The following GRTP1 variants were observed in gnomAD, a reference collection of about 807,000 sequenced individuals.
GRTP1 encodes the protein growth hormone-regulated TBC protein 1.
GRTP1 carries 56 observed loss-of-function variants against 38.1 expected under a neutral mutation model. The observed-to-expected ratio is 1.47, with a 90% CI of 1.19 to 1.84. GRTP1 has a LOEUF of 1.84. Among genes scored for constraint, GRTP1 ranks in the 40% most tolerant of loss-of-function variants. GRTP1 has a pLI of 0.00. For missense variants in GRTP1, 506 were observed against 453.9 expected, an observed-to-expected ratio of 1.11 and a Z score of -1.04; for synonymous variants, 217 against 189.5, an observed-to-expected ratio of 1.14 and a Z score of -1.19.
At chr13:113,340,636 C>T (rs989585500) in intron 5 of GRTP1, among the ~76,000 whole-genome samples, 12 of 151,764 alleles carry the variant, frequency 7.9e-5, no homozygotes, top group African/African-American at 1.9e-4. Flanking sequence ...AAAAATTAGC[C>T]GGGCGTGGTG....
At position 113,324,247 on chromosome 13, in the gene GRTP1, ATAT is replaced by A. The variant is rs2042726765; in HGVS notation, c.*238_*240del. The A allele has an allele frequency of 6.4e-6, 3 of 465,550 alleles. No individual in the cohort carries two copies. Among genetic ancestry groups the A allele is most frequent in the East Asian group, 3.5e-5 (1 of 28,182 alleles). 28.8% of individuals were successfully genotyped at this position (465,550 alleles called of 1,614,324 possible). A position where few individuals can be genotyped will look rare whatever the true frequency, so the allele number is the denominator to read the frequency against. The stretch of plus-strand genomic sequence containing the variant: ...ATACAAACCCACACTCACATTTTAT[ATAT>A]TATTGATCTCTCAGGTAAAAATAAG... On this transcript the variant is annotated 3_prime_UTR_variant, in exon 8 of 8. Coordinates refer to ENST00000375431, the MANE Select transcript of GRTP1 (RefSeq NM_024719.4).
At chr13:113,333,172 C>T (rs549943623) in intron 5 of GRTP1, among the ~76,000 whole-genome samples, 8 of 152,304 alleles carry the variant, frequency 5.3e-5, no homozygotes, top group East Asian at 1.9e-4. Context: ...GCGCCGAGCT[C>T]GGAGGGTTGG....
chr13:113,333,874 T>TGTGTGCGTGC lies in GRTP1; in HGVS notation c.563-7784_563-7783insGCACGCACAC, dbSNP rs33972835. ...GTGTGTGTGTGTGTGTGTGTGTGTG[T>TGTGTGCGTGC]CCGAGGCTGGAGTGCAGTAGCGCGA... On this transcript the variant is annotated intron_variant, in intron 5 of 7. Coordinates refer to ENST00000375431, the MANE Select transcript of GRTP1 (RefSeq NM_024719.4). 2.4e-3 allele frequency among the ~76,000 whole-genome samples: 319 copies of TGTGTGCGTGC among 135,334 alleles called. 2 individuals are homozygous for TGTGTGCGTGC. Among genetic ancestry groups the TGTGTGCGTGC allele is most frequent in the African/African-American group, 8.5e-3 (300 of 35,192 alleles). 88.8% of individuals were successfully genotyped at this position (135,334 alleles called of 152,430 possible).
intron 5 of GRTP1, among the ~76,000 whole-genome samples, chr13:113,326,882 CGGGA>C (rs970210079): frequency 3.3e-5 from 5 of 152,082 alleles, no homozygotes; most frequent in African/African-American, 1.2e-4. Context: ...GCCACAGCAG[CGGGA>C]GGGAGGGAGT....
chr13:113,351,642 C>T (rs2043268723), intron 3 of GRTP1: 1 of 152,814 alleles, frequency 6.5e-6, no homozygotes, highest in Admixed American at 6.5e-5. Context: ...ACCCGGATAC[C>T]ACGTGGGTCC....
At chr13:113,329,742 G>A (rs2042829827) in intron 5 of GRTP1, among the ~76,000 whole-genome samples, 1 of 152,218 alleles carries the variant, frequency 6.6e-6, no homozygotes, top group South Asian at 2.1e-4. Context: ...GACGACCCAG[G>A]CTTGCACCAA....
At chr13:113,338,832 G>A (rs1345579403) in intron 5 of GRTP1, among the ~76,000 whole-genome samples, 1 of 151,838 alleles carries the variant, frequency 6.6e-6, no homozygotes, top group Non-Finnish European at 1.5e-5. Context: ...GGCCATTCCG[G>A]TCTCTATTTT....
chr13:113,326,916 T>C (rs1453657763), intron 5 of GRTP1, among the ~76,000 whole-genome samples: 1 of 152,144 alleles, frequency 6.6e-6, no homozygotes, highest in Middle Eastern at 3.2e-3. Flanking sequence ...GAGTTCAGTC[T>C]GGGAAGATGA....
intron 7 of GRTP1, 167 bp downstream of exon 7, chr13:113,325,494 A>G: frequency 1.4e-6 from 2 of 1,474,316 alleles, no homozygotes; most frequent in Non-Finnish European, 1.8e-6. Flanking sequence ...AAGCCCTCGG[A>G]GGCCAGGCGC....
intron 4 of GRTP1, among the ~76,000 whole-genome samples, chr13:113,347,293 T>A (rs78734345): frequency 2.9e-4 from 9 of 30,770 alleles, no homozygotes; most frequent in East Asian, 9.9e-4. Context: ...CCTCTGTGGC[T>A]GAGCGGATCT....
chr13:113,357,087 A>ACTTTGGGAGGCCGAGGCGGGCG (rs1566442114), intron 2 of GRTP1, among the ~76,000 whole-genome samples: 4 of 21,138 alleles, frequency 1.9e-4, no homozygotes, highest in African/African-American at 6.7e-4. Context: ...CAAGGTGGGC[A>ACTTTGGGAGGCCGAGGCGGGCG]GATCACGAGG....
chr13:113,334,885 C>T (rs1041625236), intron 5 of GRTP1, among the ~76,000 whole-genome samples: 6 of 152,124 alleles, frequency 3.9e-5, no homozygotes, highest in Non-Finnish European at 7.4e-5. Flanking sequence ...TGCAGTGGCG[C>T]GATCTCGGCT....
At position 113,329,545 on chromosome 13, in the gene GRTP1, C is replaced by T. The variant is rs529311115; in HGVS notation, c.563-3454G>A. On this transcript the variant is annotated intron_variant, in intron 5 of 7. Coordinates refer to ENST00000375431, the MANE Select transcript of GRTP1 (RefSeq NM_024719.4). Reference sequence around the variant, plus strand: ...GTTGCAGTGAGCCGAGATCGTGCCACTGCACTCCAGCCTGGGCAACAGAGT... The same window carrying T: ...GTTGCAGTGAGCCGAGATCGTGCCATTGCACTCCAGCCTGGGCAACAGAGT... Among the ~76,000 whole-genome samples, 3 of 152,284 alleles carry T rather than the reference C, an allele frequency of 2.0e-5. No individual in the cohort carries two copies. In the East Asian group the frequency reaches 5.8e-4, roughly 29 times the overall value.
At chr13:113,361,063 T>C (rs1010201436) in intron 2 of GRTP1, among the ~76,000 whole-genome samples, 1 of 144,390 alleles carries the variant, frequency 6.9e-6, no homozygotes, top group Non-Finnish European at 1.5e-5. Context: ...TGAGCCGAGA[T>C]TGCGCCACTA....
At chr13:113,355,243 G>A (rs1319511814) in intron 3 of GRTP1, 80 bp downstream of exon 3, 8 of 1,472,792 alleles carry the variant, frequency 5.4e-6, no homozygotes, top group Non-Finnish European at 6.5e-6. Flanking sequence ...ACCCCTGGAC[G>A]CTGAGGCTAG....
intron 4 of GRTP1, among the ~76,000 whole-genome samples, chr13:113,347,940 G>A (rs1415420740): frequency 6.6e-6 from 1 of 150,716 alleles, no homozygotes; most frequent in African/African-American, 2.5e-5. Flanking sequence ...GAGGACCTCT[G>A]AGGCCGAGAG....
intron 5 of GRTP1, among the ~76,000 whole-genome samples, chr13:113,340,219 T>G (rs2043007580): frequency 6.6e-6 from 1 of 151,888 alleles, no homozygotes; most frequent in Non-Finnish European, 1.5e-5. Flanking sequence ...AAACAGGAAT[T>G]AATCACAGCC....
intron 5 of GRTP1, among the ~76,000 whole-genome samples, chr13:113,327,823 C>A (rs2042797054): frequency 6.6e-6 from 1 of 152,192 alleles, no homozygotes; most frequent in Non-Finnish European, 1.5e-5. Flanking sequence ...CCCCCAACCC[C>A]ACAGGTGGTG....
At chr13:113,336,177 C>T (rs1053276407) in intron 5 of GRTP1, among the ~76,000 whole-genome samples, 1 of 152,146 alleles carries the variant, frequency 6.6e-6, no homozygotes, top group Non-Finnish European at 1.5e-5. Context: ...CGGTCAGACA[C>T]CTGGGTTGAT....
Sources: allele counts gnomAD v4.1 joint callset (sites outside exome capture counted in the v4.1 genomes callset), GRCh38; gene constraint gnomAD v4.1.1; transcripts MANE v1.5; gene names NCBI Gene and HGNC (gene_info 2026-07-23, HGNC 2026-07-21).